Variants in SEC24B observed in about 807,000 individuals in gnomAD.
SEC24B encodes the protein SEC24 homolog B, COPII component, also known as protein transport protein Sec24B.
SEC24B carries 45 observed loss-of-function variants against 142.8 expected under a neutral mutation model. The ratio of observed to expected loss-of-function variants is 0.32; its 90% CI spans 0.25 to 0.40. The LOEUF (loss-of-function observed/expected upper bound fraction) is 0.40. Ranked by LOEUF, SEC24B falls within the 10% of genes least tolerant of loss-of-function variation. The pLI is 1.00. For missense variants in SEC24B, 1,409 were observed against 1,526.8 expected (o/e 0.92, Z 1.29); for synonymous variants, 574 against 568.2 (o/e 1.01, Z -0.15).
rs541540633 is a variant in SEC24B, at chr4:109,539,780, A to T, written c.*105A>T. ...AAATGAAGGCATTTGTTAATACAAG[A>T]TGCAACGCACAGCACTCTGTCTGAG... On this transcript the variant is annotated 3_prime_UTR_variant, in exon 24 of 24. Coordinates refer to ENST00000265175, the MANE Select transcript of SEC24B (RefSeq NM_006323.5). The T allele has an allele frequency of 1.4e-6, 1 of 717,648 alleles. No individual in the cohort carries two copies. Among genetic ancestry groups the T allele is most frequent in the Admixed American group, 2.5e-5 (1 of 40,480 alleles). 44.5% of individuals were successfully genotyped at this position (717,648 alleles called of 1,614,324 possible). A position where few individuals can be genotyped will look rare whatever the true frequency, so the allele number is the denominator to read the frequency against.
intron 4 of SEC24B, among the ~76,000 whole-genome samples, chr4:109,489,397 A>AG (rs1734741571): frequency 6.6e-6 from 1 of 151,600 alleles, no homozygotes; most frequent in African/African-American, 2.4e-5. Context: ...TTAAGGAAAA[A>AG]TATGCATAAC....
chr4:109,511,513 T>G (rs1737329499), intron 8 of SEC24B, among the ~76,000 whole-genome samples: 1 of 152,204 alleles, frequency 6.6e-6, no homozygotes, highest in South Asian at 2.1e-4. Flanking sequence ...AAACTAAGCA[T>G]AGAGATGTAA....
chr4:109,462,412 T>C (rs1731357593), intron 1 of SEC24B, among the ~76,000 whole-genome samples: 1 of 152,198 alleles, frequency 6.6e-6, no homozygotes, highest in Admixed American at 6.5e-5. Context: ...GCTATAGTTA[T>C]CTCAAGATTC....
chr4:109,526,789 T>C (rs181301132), intron 17 of SEC24B, among the ~76,000 whole-genome samples: 2 of 152,350 alleles, frequency 1.3e-5, no homozygotes, highest in African/African-American at 2.4e-5. Flanking sequence ...ATGAGTGATA[T>C]AGCGTATGTT....
At chr4:109,505,612 G>A (rs1029525359) in intron 6 of SEC24B, among the ~76,000 whole-genome samples, 2 of 152,090 alleles carry the variant, frequency 1.3e-5, no homozygotes, top group Non-Finnish European at 2.9e-5. Context: ...AGTAATAACA[G>A]CACACTAGCA....
intron 1 of SEC24B, among the ~76,000 whole-genome samples, chr4:109,439,972 T>G (rs1728786969): frequency 6.6e-6 from 1 of 151,058 alleles, no homozygotes; most frequent in Non-Finnish European, 1.5e-5. Context: ...ATACAAAAAT[T>G]AGCCAGGCGT....
At chr4:109,442,921 A>C (rs1401104374) in intron 1 of SEC24B, among the ~76,000 whole-genome samples, 1 of 152,136 alleles carries the variant, frequency 6.6e-6, no homozygotes, top group African/African-American at 2.4e-5. Flanking sequence ...TTTATGTCAA[A>C]TGTTTTTTTC....
chr4:109,537,859 T>C (rs1725731149), intron 22 of SEC24B, among the ~76,000 whole-genome samples: 1 of 152,342 alleles, frequency 6.6e-6, no homozygotes, highest in East Asian at 1.9e-4. Flanking sequence ...TTAAATTTTG[T>C]TATATACTAC....
chr4:109,480,506 G>A (rs1310270634), intron 3 of SEC24B, among the ~76,000 whole-genome samples: 1 of 151,566 alleles, frequency 6.6e-6, no homozygotes, highest in Non-Finnish European at 1.5e-5. Context: ...TTTCTGAGAT[G>A]GAGTCTTGCT....
At chr4:109,449,189 T>C (rs1338821602) in intron 1 of SEC24B, among the ~76,000 whole-genome samples, 2 of 152,046 alleles carry the variant, frequency 1.3e-5, no homozygotes, top group South Asian at 4.1e-4. Flanking sequence ...GCTAGGTTGC[T>C]ATATTGAAAC....
rs2126003451 is a variant in SEC24B at position 109,491,372 on chromosome 4, A to G, written c.1211A>G (p.Asn404Ser). ...ACAAGCAGTGCTTCTCCAATGCCCA[A>G]CAGTTATGATGCCCTGGAAGGAGGC... is the stretch of plus-strand genomic sequence containing the variant. ...STTSSASPMPNSYDALEGGSY... is the reference protein window; with the variant it reads ...STTSSASPMPSSYDALEGGSY... The change falls in exon 5 of 24, where the codon AAC becomes AGC. Residue 404 changes from asparagine (N) to serine (S), a missense_variant. By Grantham distance (46) the Asn-to-Ser change is conservative. Around this residue, in one of 2 missense-constraint regions of SEC24B, gnomAD observed 709 missense variants for 673.5 expected, o/e 1.05. Coordinates refer to ENST00000265175, the MANE Select transcript of SEC24B (RefSeq NM_006323.5). The G allele has an allele frequency of 1.2e-6, 2 of 1,613,802 alleles. No homozygotes were observed. The highest frequency in any genetic ancestry group is 2.2e-5 in the East Asian group (1 of 44,856).
rs1726046820 is a variant in SEC24B at position 109,540,292 on chromosome 4, A to G, written c.*617A>G. 1 of 152,692 alleles carries G rather than the reference A, an allele frequency of 6.5e-6. No homozygotes were observed. The highest frequency in any genetic ancestry group is 1.5e-5 in the Non-Finnish European group (1 of 68,064). 9.5% of individuals were successfully genotyped at this position (152,692 alleles called of 1,614,324 possible). A position where few individuals can be genotyped will look rare whatever the true frequency, so the allele number is the denominator to read the frequency against. Reference sequence around the variant, plus strand: ...ATATGAATTGCTTAAACTGTGCTGCATTGTTGGATGACAACTCTTTTTGTC... The same window carrying G: ...ATATGAATTGCTTAAACTGTGCTGCGTTGTTGGATGACAACTCTTTTTGTC... On this transcript the variant is annotated 3_prime_UTR_variant, in exon 24 of 24. Transcript: ENST00000265175.
At chr4:109,496,374 A>G (rs1360146492) in intron 6 of SEC24B, among the ~76,000 whole-genome samples, 2 of 152,100 alleles carry the variant, frequency 1.3e-5, no homozygotes, top group Non-Finnish European at 2.9e-5. Context: ...CGGCCTCCCA[A>G]AGTGTGCTGG....
intron 3 of SEC24B, among the ~76,000 whole-genome samples, chr4:109,475,663 T>A (rs11942291): frequency 0.31 from 46,817 of 152,040 alleles, 12,040 homozygotes; most frequent in African/African-American, 0.71. Context: ...CTTTTAAAAC[T>A]GAGATGTTAC....
intron 1 of SEC24B, among the ~76,000 whole-genome samples, chr4:109,452,028 G>T (rs776650667): frequency 2.7e-5 from 4 of 150,576 alleles, no homozygotes; most frequent in Admixed American, 2.7e-4. Flanking sequence ...ATGTAATCAT[G>T]TATCTATTAT....
chr4:109,494,734 G>A lies in SEC24B; in HGVS notation c.1366G>A (p.Ala456Thr), dbSNP rs1418597445. 2 of 1,614,164 alleles carry A rather than the reference G, an allele frequency of 1.2e-6. No homozygotes were observed. The highest frequency in any genetic ancestry group is 1.3e-5 in the African/African-American group (1 of 75,030). ...TGTCGTCCCTCAGCCTTCAAAAATGGCTAAGCCTTTTGGCTATGGCTATCC... is the reference window on the plus strand; with the variant it reads ...TGTCGTCCCTCAGCCTTCAAAAATGACTAAGCCTTTTGGCTATGGCTATCC... ...APVVPQPSKMAKPFGYGYPTL... is the reference protein window; with the variant it reads ...APVVPQPSKMTKPFGYGYPTL... The change falls in exon 6 of 24, where the codon GCT becomes ACT. Residue 456 changes from alanine to threonine, a missense_variant. Physicochemically the swap from Ala to Thr is moderately conservative, Grantham distance 58. Around this residue, in one of 2 missense-constraint regions of SEC24B, gnomAD observed 709 missense variants for 673.5 expected, o/e 1.05. Transcript: ENST00000265175.
intron 13 of SEC24B, 82 bp downstream of exon 13, chr4:109,521,254 ATATAT>A: frequency 2.0e-6 from 2 of 1,005,060 alleles, no homozygotes; most frequent in Non-Finnish European, 3.0e-6. Flanking sequence ...TGTTTACTTG[ATATAT>A]TAGTATTACA....
intron 22 of SEC24B, among the ~76,000 whole-genome samples, chr4:109,536,911 C>T (rs964888574): frequency 6.6e-6 from 1 of 151,542 alleles, no homozygotes. Context: ...TCTGAAAGCA[C>T]AAATATAAAA....
chr4:109,462,859 A>T, intron 1 of SEC24B, 42 bp from the exon 2 acceptor site: 2 of 1,426,282 alleles, frequency 1.4e-6, no homozygotes, highest in Non-Finnish European at 1.9e-6. Context: ...TTTAAAAATT[A>T]GTTATCTCTT....
Sources: gnomAD v4.1 joint callset for allele counts (sites outside exome capture counted in the v4.1 genomes callset) on GRCh38, gnomAD v4.1.1 for gene constraint, gnomAD v4.1.1 regional missense constraint, MANE v1.5 for transcripts, NCBI Gene and HGNC (gene_info 2026-07-23, HGNC 2026-07-21) for gene names.